Variants in EPRS1 observed in about 807,000 individuals in gnomAD.
The protein encoded by EPRS1 is bifunctional glutamate/proline--tRNA ligase.
In EPRS1, 107 loss-of-function variants were observed where a neutral mutation model predicts 188.3. That is an observed-to-expected ratio of 0.57 (90% confidence interval 0.49 to 0.67). EPRS1 has a LOEUF of 0.67. Ranked by LOEUF, EPRS1 falls within the 30% of genes least tolerant of loss-of-function variation. EPRS1 has a pLI of 0.00. For missense variants in EPRS1, 1,577 were observed against 1,802.2 expected (o/e 0.88, Z 2.26); for synonymous variants, 596 against 593.1 (o/e 1.00, Z -0.07).
rs767317261 is a variant in EPRS1 at position 219,982,770 on chromosome 1, A to G, written c.3373+2T>C. 4.3e-6 allele frequency: 7 copies of G among 1,613,372 alleles called. No individual in the cohort carries two copies. The highest frequency in any genetic ancestry group is 5.9e-6 in the Non-Finnish European group (7 of 1,179,416). Reference sequence around the variant, plus strand: ...CTCTTGCACTCCAATGCCTATTCTCACCTGTTTCACTAGTAGGACGAATGG... The same window carrying G: ...CTCTTGCACTCCAATGCCTATTCTCGCCTGTTTCACTAGTAGGACGAATGG... On this transcript the variant is annotated splice_donor_variant, in intron 23 of 31. Coordinates refer to ENST00000366923, the MANE Select transcript of EPRS1 (RefSeq NM_004446.3). LOFTEE classifies it high-confidence loss of function.
intron 5 of EPRS1, among the ~76,000 whole-genome samples, chr1:220,031,799 T>G (rs1319140225): frequency 6.6e-6 from 1 of 152,102 alleles, no homozygotes; most frequent in Non-Finnish European, 1.5e-5. Context: ...AACCAGGAGA[T>G]TCAGAAGAAA....
At chr1:219,972,734 G>T (rs958841201) in intron 29 of EPRS1, among the ~76,000 whole-genome samples, 1 of 152,186 alleles carries the variant, frequency 6.6e-6, no homozygotes, top group East Asian at 1.9e-4. Flanking sequence ...CTCCATAGGT[G>T]AGGGCGGCCC....
Position 219,988,612 on chromosome 1 carries a change from A to T in EPRS1, c.2753T>A (p.Leu918His). ...VASQGEVVRK[L>H]KTEKAPKDQV... ...AACCTTAGGGGCTTTTTCAGTTTTAAGTTTCCGAACTACTTCCCCTTGAGA... is the reference window on the plus strand; with the variant it reads ...AACCTTAGGGGCTTTTTCAGTTTTATGTTTCCGAACTACTTCCCCTTGAGA... The change falls in exon 19 of 32, where the codon CTT (leucine) becomes CAT (histidine). Residue 918 changes from leucine to histidine, a missense_variant. Leu to His is a moderately conservative substitution (Grantham distance 99). Transcript: ENST00000366923. The T allele has an allele frequency of 6.2e-7, 1 of 1,613,004 alleles. No homozygotes were observed. The highest frequency in any genetic ancestry group is 8.5e-7 in the Non-Finnish European group (1 of 1,179,162).
Position 219,989,397 on chromosome 1 carries a change from G to A in EPRS1, c.2542-574C>T, listed in dbSNP as rs114401991. ...AAAGAATGATATACTCAGCCCCACCGAGACACTTGTGACTCTCTAGCAGAG... is the reference window on the plus strand; with the variant it reads ...AAAGAATGATATACTCAGCCCCACCAAGACACTTGTGACTCTCTAGCAGAG... On this transcript the variant is annotated intron_variant, in intron 18 of 31. Coordinates refer to ENST00000366923, the MANE Select transcript of EPRS1 (RefSeq NM_004446.3). Among the ~76,000 whole-genome samples the A allele has an allele frequency of 4.1e-3, 620 of 150,696 alleles. 6 individuals carry two copies. Among genetic ancestry groups the A allele is most frequent in the African/African-American group, 0.014 (580 of 40,778 alleles).
intron 5 of EPRS1, 99 bp downstream of exon 5, chr1:220,032,288 G>A (rs1014743273): frequency 9.3e-6 from 8 of 863,956 alleles, no homozygotes; most frequent in Admixed American, 3.5e-5. Context: ...CGGTTTCACC[G>A]TGTTATTCAG....
intron 17 of EPRS1, among the ~76,000 whole-genome samples, chr1:219,999,398 C>G (rs1046833159): frequency 2.6e-5 from 4 of 151,972 alleles, no homozygotes; most frequent in African/African-American, 9.7e-5. Flanking sequence ...TCTCTGTGCC[C>G]TTTCCTGAAT....
In EPRS1 at chr1:220,034,978, C is replaced by T. The variant is rs748421116; in HGVS notation, c.167G>A (p.Arg56His). Residue 56 changes from arginine to histidine, a missense_variant, in exon 3 of 32, where the codon CGC (arginine) becomes CAC (histidine). Arg to His is a conservative substitution (Grantham distance 29). Transcript: ENST00000366923. ...VIFTDVNSILRYLARVATTAG... is the reference protein window; with the variant it reads ...VIFTDVNSILHYLARVATTAG... Reference sequence around the variant, plus strand: ...TGTAGTTGCAACTCTAGCCAAGTAGCGAAGTATAGAATTCACATCTGTGAA... The same window carrying T: ...TGTAGTTGCAACTCTAGCCAAGTAGTGAAGTATAGAATTCACATCTGTGAA... 5 of 1,598,670 alleles carry T rather than the reference C, an allele frequency of 3.1e-6. No individual in the cohort carries two copies. The highest frequency in any genetic ancestry group is 2.2e-5 in the East Asian group (1 of 44,534).
intron 5 of EPRS1, 26 bp downstream of exon 5, chr1:220,032,361 T>TAA (rs777587276): frequency 1.3e-6 from 2 of 1,557,568 alleles, no homozygotes; most frequent in African/African-American, 1.4e-5. Context: ...GTTTTTTTTT[T>TAA]TAAAAAAAAA....
chr1:220,004,186 C>G (rs1661414953), intron 16 of EPRS1, among the ~76,000 whole-genome samples: 2 of 152,010 alleles, frequency 1.3e-5, no homozygotes, highest in South Asian at 4.1e-4. Context: ...TACCACCATG[C>G]CTGGTTAATT....
Position 219,987,314 on chromosome 1 carries a change from T to A in EPRS1, c.2866A>T (p.Thr956Ser). The A allele has an allele frequency of 6.2e-7, 1 of 1,614,050 alleles. No individual in the cohort carries two copies. Among genetic ancestry groups the A allele is most frequent in the Non-Finnish European group, 8.5e-7 (1 of 1,179,974 alleles). Residue 956 changes from threonine (T) to serine (S), a missense_variant, in exon 20 of 32, where the codon ACT (threonine) becomes TCT (serine). Physicochemically the swap from Thr to Ser is moderately conservative, Grantham distance 58. Around this residue, in one of 3 missense-constraint regions of EPRS1, gnomAD observed 1,278 missense variants for 1,457.4 expected, o/e 0.88. Coordinates refer to ENST00000366923, the MANE Select transcript of EPRS1 (RefSeq NM_004446.3). Reference protein sequence around the residue: ...IGVEYKPVSATGAEDKDKKKK... With the variant: ...IGVEYKPVSASGAEDKDKKKK... ...TTCTTATCTTTGTCCTCAGCTCCAG[T>A]GGCCGACACAGGCTTATACTCTACT...
At chr1:220,023,871 T>C (rs1391968233) in intron 8 of EPRS1, among the ~76,000 whole-genome samples, 6 of 152,202 alleles carry the variant, frequency 3.9e-5, no homozygotes, top group African/African-American at 1.2e-4. Flanking sequence ...CTAGCAGCTT[T>C]TGCCAGATAC....
At chr1:220,025,105 A>C in intron 7 of EPRS1, 27 bp downstream of exon 7, 1 of 1,606,918 alleles carries the variant, frequency 6.2e-7, no homozygotes, top group South Asian at 1.1e-5. Flanking sequence ...TTTTCTGGCA[A>C]AGGGTCATCA....
At chr1:219,988,865 A>C in intron 18 of EPRS1, 42 bp from the exon 19 acceptor site, 1 of 1,253,128 alleles carries the variant, frequency 8.0e-7, no homozygotes, top group East Asian at 2.4e-5. Context: ...AAACTTTGGA[A>C]ATTTCTGGAA....
intron 20 of EPRS1, among the ~76,000 whole-genome samples, chr1:219,985,060 A>AT (rs1558045446): frequency 6.6e-6 from 1 of 151,882 alleles, no homozygotes; most frequent in African/African-American, 2.4e-5. Context: ...AAAAAAAAAA[A>AT]AAAAAGAAAG....
At chr1:219,992,126 G>A (rs1661135813) in intron 18 of EPRS1, among the ~76,000 whole-genome samples, 1 of 152,134 alleles carries the variant, frequency 6.6e-6, no homozygotes, top group Admixed American at 6.5e-5. Context: ...CAGGGTGGCG[G>A]CTTCCTAGAA....
chr1:220,044,608 C>T (rs1662362446), intron 1 of EPRS1, among the ~76,000 whole-genome samples: 1 of 138,460 alleles, frequency 7.2e-6, no homozygotes, highest in South Asian at 2.3e-4. Context: ...CACCTCTAAG[C>T]GCAACTACTC....
rs1387516670 is a variant in EPRS1, at chr1:220,019,991, C to T, written c.1346G>A (p.Gly449Glu). The change falls in exon 10 of 32, where the codon GGA becomes GAA. Residue 449 changes from glycine (G) to glutamate (E), a missense_variant. Gly to Glu is a moderately conservative substitution (Grantham distance 98). This residue lies in a region of EPRS1 where 1,278 missense variants were observed against 1,457.4 expected (regional missense o/e 0.88). Coordinates refer to ENST00000366923, the MANE Select transcript of EPRS1 (RefSeq NM_004446.3). ...TTCTAAGTAACATTAAACATACCAT[C>T]CATCTACTAGTCCTTCATTGACAAA... ...TWFVNEGLVDGWDDPRFPTVR... is the reference protein window; with the variant it reads ...TWFVNEGLVDEWDDPRFPTVR... 6.3e-7 allele frequency: 1 copy of T among 1,593,290 alleles called. No individual in the cohort carries two copies. The highest frequency in any genetic ancestry group is 8.6e-7 in the Non-Finnish European group (1 of 1,161,346).
At chr1:220,027,324 A>G (rs945400040) in intron 6 of EPRS1, among the ~76,000 whole-genome samples, 90 of 152,172 alleles carry the variant, frequency 5.9e-4, no homozygotes, top group African/African-American at 2.0e-3. Context: ...GCTACCTGGG[A>G]GGCTGAGGCA....
intron 20 of EPRS1, among the ~76,000 whole-genome samples, chr1:219,986,703 A>C (rs191753452): frequency 2.0e-5 from 3 of 152,198 alleles, no homozygotes; most frequent in East Asian, 3.8e-4. Context: ...TCTTCATCTG[A>C]AAAAAATCTG....
Sources: gnomAD v4.1 joint callset for allele counts (sites outside exome capture counted in the v4.1 genomes callset) on GRCh38, gnomAD v4.1.1 for gene constraint, gnomAD v4.1.1 regional missense constraint, MANE v1.5 for transcripts, NCBI Gene and HGNC (gene_info 2026-07-23, HGNC 2026-07-21) for gene names.